Variants in MMEL1 observed in about 807,000 individuals in gnomAD.
The protein encoded by MMEL1 is membrane metallo-endopeptidase-like 1.
A neutral mutation model predicts 117.1 loss-of-function variants in MMEL1; 98 were observed. The observed-to-expected ratio is 0.84, with a 90% CI of 0.71 to 0.99. The LOEUF (loss-of-function observed/expected upper bound fraction) is 0.99, where lower values mean the gene tolerates loss of function less well. MMEL1 is among the 50% of genes least tolerant of loss of function. The probability of loss-of-function intolerance (pLI) is 0.00; values close to 1 mark genes in which losing one functional copy is unlikely to be tolerated. For missense variants in MMEL1, 1,014 were observed against 1,049.1 expected, an observed-to-expected ratio of 0.97 and a Z score of 0.46; for synonymous variants, 390 against 415.1, an observed-to-expected ratio of 0.94 and a Z score of 0.74.
intron 11 of MMEL1, 83 bp downstream of exon 11, chr1:2,603,801 C>T (rs559122731): frequency 8.3e-5 from 103 of 1,234,980 alleles, no homozygotes; most frequent in African/African-American, 5.4e-4. Context: ...TGCCAGGCAA[C>T]GTGCCCTCTC....
chr1:2,609,386 G>T lies in MMEL1; in HGVS notation c.488C>A (p.Pro163Gln), dbSNP rs1425254818. Residue 163 changes from proline to glutamine, a missense_variant, in exon 6 of 24, where the codon CCG (proline) becomes CAG (glutamine). Pro to Gln is a moderately conservative substitution (Grantham distance 76). Transcript: ENST00000378412. ...CAGCGTCCTGGCCTTCTCCACAGCC[G>T]GCCGGTCCTTGGCAGTCGAATTCTC... Reference protein sequence around the residue: ...VLENSTAKDRPAVEKARTLYR... With the variant: ...VLENSTAKDRQAVEKARTLYR... The T allele has an allele frequency of 1.9e-6, 3 of 1,612,128 alleles. No individual in the cohort carries two copies. The highest frequency in any genetic ancestry group is 1.1e-5 in the South Asian group (1 of 90,754).
chr1:2,598,938 A>G (rs1310169239), intron 11 of MMEL1, 148 bp from the exon 12 acceptor site: 15 of 660,836 alleles, frequency 2.3e-5, no homozygotes, highest in Admixed American at 9.2e-5. Flanking sequence ...GGTGGGTGAC[A>G]TTATTACAGA....
chr1:2,607,894 G>A (rs998432896), intron 6 of MMEL1, among the ~76,000 whole-genome samples: 8 of 152,136 alleles, frequency 5.3e-5, no homozygotes, highest in African/African-American at 1.7e-4. Context: ...CCGGCTGTTA[G>A]GGGCCGGATG....
At chr1:2,606,713 G>A (rs1290084045) in intron 7 of MMEL1, among the ~76,000 whole-genome samples, 3 of 152,098 alleles carry the variant, frequency 2.0e-5, no homozygotes, top group Non-Finnish European at 4.4e-5. Context: ...TGAGTGTCGA[G>A]CGCTCCTAGG....
At chr1:2,596,316 G>A (rs1417080301) in intron 14 of MMEL1, among the ~76,000 whole-genome samples, 3 of 152,116 alleles carry the variant, frequency 2.0e-5, no homozygotes, top group Admixed American at 6.5e-5. Flanking sequence ...GTGGGTCCTC[G>A]TGGGCCAGGG....
chr1:2,608,999 C>T (rs900537922), intron 6 of MMEL1, among the ~76,000 whole-genome samples: 2 of 151,216 alleles, frequency 1.3e-5, no homozygotes, highest in African/African-American at 4.9e-5. Context: ...GTATAATATG[C>T]ATGCACATAT....
In MMEL1 at chr1:2,604,219, G is replaced by A; in HGVS notation, c.879C>T (p.Asn293=). The A allele has an allele frequency of 1.2e-6, 2 of 1,612,860 alleles. No homozygotes were observed. The highest frequency in any genetic ancestry group is 1.3e-5 in the African/African-American group (1 of 75,058). Residue 293 remains asparagine (N), a synonymous_variant, in exon 10 of 24, where the codon AAC becomes AAT. Coordinates refer to ENST00000378412, the MANE Select transcript of MMEL1 (RefSeq NM_033467.4). ...SVATLLREDA[N]LPRDSCLVQE... is the part of the protein sequence containing the mutation. The stretch of plus-strand genomic sequence containing the variant: ...GCACCAGGCAGCTGTCCCTGGGCAG[G>A]TTTGCATCCTCCCGCAGCAACGTGG...
In MMEL1 at chr1:2,590,954, G is replaced by T; in HGVS notation, c.*36C>A. ...TTCGCACAGATGCCTCCGAGCAGCG[G>T]GTGGGCGTGGGCCGCACAGCGCGGC... is the stretch of plus-strand genomic sequence containing the variant. On this transcript the variant is annotated 3_prime_UTR_variant, in exon 24 of 24. Transcript: ENST00000378412. The T allele has an allele frequency of 6.9e-7, 1 of 1,444,808 alleles. No homozygotes were observed. Among genetic ancestry groups the T allele is most frequent in the Non-Finnish European group, 9.2e-7 (1 of 1,088,914 alleles). The allele number at this position is 1,444,808 out of a possible 1,614,324, so 89.5% of individuals were successfully genotyped here.
chr1:2,595,397 C>T lies in MMEL1; in HGVS notation c.1501-38G>A. ...GAGGGACTGGTCAGTGGGTGCCCCACTGCGGATGGAGTCAGCCCGGGGGCC... is the reference window on the plus strand; with the variant it reads ...GAGGGACTGGTCAGTGGGTGCCCCATTGCGGATGGAGTCAGCCCGGGGGCC... On this transcript the variant is annotated intron_variant, in intron 15 of 23. Transcript: ENST00000378412. The surrounding 1 kb of genome is among the most constrained non-coding windows in gnomAD (Gnocchi z 4.8). The T allele has an allele frequency of 6.3e-7, 1 of 1,592,468 alleles. No homozygotes were observed. The highest frequency in any genetic ancestry group is 8.6e-7 in the Non-Finnish European group (1 of 1,161,246).
chr1:2,608,612 TAACA>T (rs1557541446), intron 6 of MMEL1, among the ~76,000 whole-genome samples: 1 of 151,452 alleles, frequency 6.6e-6, no homozygotes, highest in Non-Finnish European at 1.5e-5. Context: ...CATATACACA[TAACA>T]CACACATACA....
chr1:2,620,020 G>A (rs1224507880), intron 2 of MMEL1, among the ~76,000 whole-genome samples: 1 of 152,154 alleles, frequency 6.6e-6, no homozygotes, highest in Non-Finnish European at 1.5e-5. Context: ...GGAAGATAAC[G>A]GGTACAATTT....
Position 2,606,331 on chromosome 1 carries a change from T to G in MMEL1, c.667A>C (p.Met223Leu), listed in dbSNP as rs1277542910. The change falls in exon 8 of 24, where the codon ATG becomes CTG. Residue 223 changes from methionine to leucine, a missense_variant. Physicochemically the swap from Met to Leu is conservative, Grantham distance 15. Coordinates refer to ENST00000378412, the MANE Select transcript of MMEL1 (RefSeq NM_033467.4). ...EWELERQLAL[M>L]NSQFNRRVLI... ...ACGCGCCTGTTGAACTGTGAGTTCA[T>G]CAGCGCCAGCTGCCGCTCCAGCTCC... 1.9e-6 allele frequency: 3 copies of G among 1,612,106 alleles called. No individual in the cohort carries two copies. The highest frequency in any genetic ancestry group is 2.5e-6 in the Non-Finnish European group (3 of 1,179,790).
chr1:2,598,497 G>A (rs1046169630), intron 12 of MMEL1, among the ~76,000 whole-genome samples, 157 bp downstream of exon 12: 14 of 152,196 alleles, frequency 9.2e-5, no homozygotes, highest in African/African-American at 3.1e-4. Context: ...TTTAATGTAA[G>A]ACTCCACTGG....
intron 21 of MMEL1, 99 bp from the exon 22 acceptor site, chr1:2,592,126 C>T (rs1644729728): frequency 1.0e-6 from 1 of 962,586 alleles, no homozygotes; most frequent in Non-Finnish European, 1.6e-6. Context: ...CAGGACCTAC[C>T]CCTGTGGGGG....
chr1:2,609,748 G>A lies in MMEL1; in HGVS notation c.376C>T (p.Arg126Cys). 3 of 1,613,780 alleles carry A rather than the reference G, an allele frequency of 1.9e-6. No individual in the cohort carries two copies. The highest frequency in any genetic ancestry group is 1.7e-6 in the Non-Finnish European group (2 of 1,180,002). Reference sequence around the variant, plus strand: ...GAGTTGGTCTCAGGGATCACGTGGCGCCGCAGCCAGCCTCCGCATGCAAAC... The same window carrying A: ...GAGTTGGTCTCAGGGATCACGTGGCACCGCAGCCAGCCTCCGCATGCAAAC... Reference protein sequence around the residue: ...YQFACGGWLRRHVIPETNSRY... With the variant: ...YQFACGGWLRCHVIPETNSRY... Residue 126 changes from arginine (R) to cysteine (C), a missense_variant, in exon 5 of 24, where the codon CGC becomes TGC. Transcript: ENST00000378412.
Position 2,629,340 on chromosome 1 carries a change from C to T in MMEL1, c.145G>A (p.Asp49Asn). 1.3e-6 allele frequency: 2 copies of T among 1,538,090 alleles called. No individual in the cohort carries two copies. The highest frequency in any genetic ancestry group is 1.2e-5 in the South Asian group (1 of 83,804). Reference sequence around the variant, plus strand: ...GGGCACCCGCACTCACCTCTGCGGTCGGCGTAGAGGACACCCAAGGCCACC... The same window carrying T: ...GGGCACCCGCACTCACCTCTGCGGTTGGCGTAGAGGACACCCAAGGCCACC... ...ALVALGVLYA[D>N]RRGKQLPRLA... Residue 49 changes from aspartate (D) to asparagine (N), a missense_variant, in exon 2 of 24, where the codon GAC becomes AAC. By Grantham distance (23) the Asp-to-Asn change is conservative. Transcript: ENST00000378412.
rs1435792218 is a variant in MMEL1, at chr1:2,598,219, C to T, written c.1260G>A (p.Val420=). 1 of 1,613,974 alleles carries T rather than the reference C, an allele frequency of 6.2e-7. No individual in the cohort carries two copies. The highest frequency in any genetic ancestry group is 1.7e-4 in the Middle Eastern group (1 of 6,058). ...SLSQRFKDTR[V]NYRKALFGTM... ...GGAAGGGGCTCACCTTGCGGTAGTT[C>T]ACTCGTGTGTCCTTGAATCTCTGGC... is the stretch of plus-strand genomic sequence containing the variant. Residue 420 remains valine (V), a synonymous_variant, in exon 13 of 24, where the codon GTG becomes GTA. Coordinates refer to ENST00000378412, the MANE Select transcript of MMEL1 (RefSeq NM_033467.4).
At chr1:2,616,961 C>T (rs1483066129) in intron 2 of MMEL1, among the ~76,000 whole-genome samples, 5 of 152,230 alleles carry the variant, frequency 3.3e-5, no homozygotes, top group Non-Finnish European at 7.3e-5. Flanking sequence ...AGCTCCTGAG[C>T]AGCACTTTCA....
intron 2 of MMEL1, among the ~76,000 whole-genome samples, chr1:2,627,855 G>A (rs1638344724): frequency 6.6e-6 from 1 of 152,164 alleles, no homozygotes; most frequent in Admixed American, 6.5e-5. Context: ...GGGCTCTGCC[G>A]CCCTGGAGGG....
Sources: allele counts gnomAD v4.1 joint callset (sites outside exome capture counted in the v4.1 genomes callset), GRCh38; gene constraint gnomAD v4.1.1; non-coding constraint Gnocchi (gnomAD v3.1); transcripts MANE v1.5; gene names NCBI Gene and HGNC (gene_info 2026-07-23, HGNC 2026-07-21).